Variants in CDH18 observed in about 807,000 individuals in gnomAD.
The protein encoded by CDH18 is cadherin-18.
A neutral mutation model predicts 67.9 loss-of-function variants in CDH18; 31 were observed. The observed-to-expected ratio is 0.46, with a 90% CI of 0.34 to 0.62. The LOEUF is 0.62. Ranked by LOEUF, CDH18 falls within the 20% of genes least tolerant of loss-of-function variation. CDH18 has a pLI of 0.01. For missense variants in CDH18, 890 were observed against 975.5 expected (o/e 0.91, Z 1.17); for synonymous variants, 362 against 347.2 (o/e 1.04, Z -0.48).
intron 1 of CDH18, among the ~76,000 whole-genome samples, chr5:20,465,266 AGG>A (rs79031453): frequency 0.19 from 29,279 of 151,836 alleles, 3,733 homozygotes; most frequent in East Asian, 0.39. Flanking sequence ...ATTCTAGAGA[AGG>A]GTAAGGAGTA....
chr5:20,151,237 T>C (rs953983003), intron 2 of CDH18, among the ~76,000 whole-genome samples: 4 of 152,082 alleles, frequency 2.6e-5, no homozygotes, highest in Non-Finnish European at 5.9e-5. Flanking sequence ...GATCATGTGG[T>C]ATTTGGTTTC....
At chr5:19,714,438 T>G (rs964695259) in intron 5 of CDH18, among the ~76,000 whole-genome samples, 1 of 152,048 alleles carries the variant, frequency 6.6e-6, no homozygotes, top group African/African-American at 2.4e-5. Flanking sequence ...TTTTTTCTTG[T>G]GTTGTTGTCC....
chr5:20,114,134 A>G (rs924547040), intron 2 of CDH18, among the ~76,000 whole-genome samples: 1 of 152,272 alleles, frequency 6.6e-6, no homozygotes, highest in Non-Finnish European at 1.5e-5. Flanking sequence ...TATATGCAAC[A>G]TCATCAATTA....
At chr5:19,527,141 A>T (rs2126950692) in intron 9 of CDH18, among the ~76,000 whole-genome samples, 1 of 151,864 alleles carries the variant, frequency 6.6e-6, no homozygotes, top group East Asian at 1.9e-4. Flanking sequence ...TGTTTCCATT[A>T]TTTTCTTTAA....
At chr5:19,678,988 A>T (rs1759882662) in intron 5 of CDH18, among the ~76,000 whole-genome samples, 1 of 152,048 alleles carries the variant, frequency 6.6e-6, no homozygotes, top group African/African-American at 2.4e-5. Context: ...AGACAGAGAC[A>T]CAATGGAAAA....
At chr5:20,565,962 C>G (rs1758480340) in intron 1 of CDH18, among the ~76,000 whole-genome samples, 1 of 152,046 alleles carries the variant, frequency 6.6e-6, no homozygotes, top group Admixed American at 6.6e-5. Flanking sequence ...GTCTAATTCT[C>G]TTAAAATCTA....
intron 1 of CDH18, among the ~76,000 whole-genome samples, chr5:20,367,361 T>A (rs935388397): frequency 3.9e-5 from 6 of 152,180 alleles, no homozygotes; most frequent in African/African-American, 1.4e-4. Flanking sequence ...GCTTCTCCCA[T>A]CATAAATAAC....
At chr5:19,503,711 C>T (rs898768959) in intron 10 of CDH18, among the ~76,000 whole-genome samples, 147 of 152,082 alleles carry the variant, frequency 9.7e-4, no homozygotes, top group African/African-American at 3.3e-3. Flanking sequence ...CTCTCTAGTG[C>T]TCAGGAGAAA....
intron 1 of CDH18, among the ~76,000 whole-genome samples, chr5:19,982,220 A>G (rs925887071): frequency 1.3e-5 from 2 of 152,162 alleles, no homozygotes; most frequent in African/African-American, 4.8e-5. Flanking sequence ...TAAATAGAAC[A>G]AATGACTCAA....
At chr5:19,490,033 C>T (rs1843725) in intron 11 of CDH18, among the ~76,000 whole-genome samples, 10,602 of 151,542 alleles carry the variant, frequency 0.07, 562 homozygotes, top group Non-Finnish European at 0.096. Flanking sequence ...AACTTCTACC[C>T]GTTATTTATC....
At chr5:19,955,101 C>T (rs1796138014) in intron 2 of CDH18, among the ~76,000 whole-genome samples, 1 of 152,102 alleles carries the variant, frequency 6.6e-6, no homozygotes, top group South Asian at 2.1e-4. Context: ...GGCTTTTCCT[C>T]CTTAGCTTGG....
At chr5:19,682,631 C>T (rs1446358738) in intron 5 of CDH18, among the ~76,000 whole-genome samples, 9 of 152,072 alleles carry the variant, frequency 5.9e-5, no homozygotes, top group Non-Finnish European at 1.3e-4. Flanking sequence ...CTCTCTTTCA[C>T]TCTTTGTGAG....
rs560150007 is a variant in CDH18 at position 20,550,430 on chromosome 5, C to T, written c.-580+25032G>A. 6.0e-4 allele frequency among the ~76,000 whole-genome samples: 92 copies of T among 152,164 alleles called. 1 individual carries two copies. Among genetic ancestry groups the T allele is most frequent in the African/African-American group, 1.5e-3 (63 of 41,530 alleles). ...GGACCTAAAGGTTAAAAATAATAAA[C>T]GAAAGTTAAAGATTTTTTAAAGTAA... On this transcript the variant is annotated intron_variant, in intron 1 of 14. Transcript: ENST00000507958.
chr5:19,730,964 T>C (rs987989604), intron 4 of CDH18, among the ~76,000 whole-genome samples: 2 of 152,188 alleles, frequency 1.3e-5, no homozygotes, highest in Non-Finnish European at 2.9e-5. Context: ...CCTGTGGAGA[T>C]GAGGAGGCTT....
chr5:19,905,644 T>A (rs1173623635), intron 2 of CDH18, among the ~76,000 whole-genome samples: 1 of 152,022 alleles, frequency 6.6e-6, no homozygotes, highest in Non-Finnish European at 1.5e-5. Context: ...TTTTTACCTA[T>A]ATATACTTGT....
chr5:20,090,886 A>G (rs1745360569), intron 2 of CDH18, among the ~76,000 whole-genome samples: 1 of 151,700 alleles, frequency 6.6e-6, no homozygotes, highest in South Asian at 2.1e-4. Context: ...TATATAAAAT[A>G]TAAAAGAAAA....
At chr5:20,334,753 TA>T (rs1739562446) in intron 1 of CDH18, among the ~76,000 whole-genome samples, 1 of 138,348 alleles carries the variant, frequency 7.2e-6, no homozygotes, top group African/African-American at 2.6e-5. Context: ...CTCTCTCTCA[TA>T]CACACACACA....
At chr5:19,755,458 T>TATATATATATATATAA (rs1290776275) in intron 3 of CDH18, among the ~76,000 whole-genome samples, 1 of 9,448 alleles carries the variant, frequency 1.1e-4, no homozygotes, top group Non-Finnish European at 8.1e-4. Context: ...TATATATATA[T>TATATATATATATATAA]ACACACACAC....
intron 2 of CDH18, among the ~76,000 whole-genome samples, chr5:19,865,110 G>A (rs369628222): frequency 3.9e-5 from 6 of 152,164 alleles, no homozygotes; most frequent in African/African-American, 1.2e-4. Context: ...GCCCTCCCAA[G>A]TTCCTGAGGA....
Sources: gnomAD v4.1 joint callset for allele counts (sites outside exome capture counted in the v4.1 genomes callset) on GRCh38, gnomAD v4.1.1 for gene constraint, MANE v1.5 for transcripts, NCBI Gene and HGNC (gene_info 2026-07-23, HGNC 2026-07-21) for gene names.